Variants in SLC2A11 observed in about 807,000 individuals in gnomAD.
SLC2A11 encodes the protein solute carrier family 2, facilitated glucose transporter member 11.
A neutral mutation model predicts 52.1 loss-of-function variants in SLC2A11; 43 were observed. The ratio of observed to expected loss-of-function variants is 0.82; its 90% confidence interval spans 0.65 to 1.06. The LOEUF (loss-of-function observed/expected upper bound fraction) is 1.06, where lower values mean the gene tolerates loss of function less well. SLC2A11 is among the 50% of genes least tolerant of loss of function. SLC2A11 has a pLI of 0.00. For synonymous variants in SLC2A11, 261 were observed against 277.6 expected, an observed-to-expected ratio of 0.94 and a Z score of 0.59; for missense variants, 582 against 654.2, an observed-to-expected ratio of 0.89 and a Z score of 1.20.
At chr22:23,857,758 T>C (rs2031901224), upstream of SLC2A11, 1 of 1,369,234 alleles carries the variant, frequency 7.3e-7, no homozygotes, top group South Asian at 1.5e-5. Flanking sequence ...GGCCATCGTT[T>C]AGCGTTGCGC....
chr22:23,857,577 ACCC>A (rs750630400), upstream of SLC2A11: 2 of 1,170,970 alleles, frequency 1.7e-6, no homozygotes, highest in East Asian at 5.4e-5. Context: ...GTGACCCCAA[ACCC>A]CCCCCCCGCG....
At chr22:23,873,599 C>T (rs1402278834) in intron 3 of SLC2A11, among the ~76,000 whole-genome samples, 1 of 152,104 alleles carries the variant, frequency 6.6e-6, no homozygotes, top group Non-Finnish European at 1.5e-5. Context: ...TGAGCTGCTG[C>T]ACCCAGCTGC....
intron 6 of SLC2A11, among the ~76,000 whole-genome samples, chr22:23,879,227 G>A (rs1229572141): frequency 6.6e-6 from 1 of 152,028 alleles, no homozygotes; most frequent in Non-Finnish European, 1.5e-5. Flanking sequence ...CGCCATTGTT[G>A]ATCAGCACGG....
intron 3 of SLC2A11, among the ~76,000 whole-genome samples, chr22:23,874,127 A>C (rs1356347644): frequency 6.6e-6 from 1 of 152,206 alleles, no homozygotes; most frequent in Admixed American, 6.5e-5. Context: ...CAAGGCATTG[A>C]GATATACAGC....
intron 2 of SLC2A11, among the ~76,000 whole-genome samples, chr22:23,863,609 T>G (rs1043317169): frequency 1.6e-5 from 1 of 61,572 alleles, no homozygotes; most frequent in African/African-American, 6.3e-5. Flanking sequence ...CTCTCTCTGG[T>G]TTTTTTTTTT....
In SLC2A11 at chr22:23,884,536, G is replaced by A; in HGVS notation, c.1299+107G>A. Reference sequence around the variant, plus strand: ...CAGGGAGACTGAGACTGAAAGGGAGGGGTCTTAGGGGAGCAAAGAGGGGGG... The same window carrying A: ...CAGGGAGACTGAGACTGAAAGGGAGAGGTCTTAGGGGAGCAAAGAGGGGGG... On this transcript the variant is annotated intron_variant, in intron 11 of 11. Transcript: ENST00000316185. The surrounding 1 kb of genome is among the most constrained non-coding windows in gnomAD (Gnocchi z 4.3). 1 of 1,541,976 alleles carries A rather than the reference G, an allele frequency of 6.5e-7. No individual in the cohort carries two copies. Among genetic ancestry groups the A allele is most frequent in the South Asian group, 1.3e-5 (1 of 79,226 alleles).
chr22:23,883,928 C>T lies in SLC2A11; in HGVS notation c.1096-21C>T, dbSNP rs769890210. 8.7e-6 allele frequency: 14 copies of T among 1,611,790 alleles called. No homozygotes were observed. The South Asian group carries it at 8.8e-5, about 10-fold the overall frequency. On this transcript the variant is annotated intron_variant, in intron 9 of 11. Transcript: ENST00000316185. Reference sequence around the variant, plus strand: ...CCAGGCCGGGCTGACTTCCACCTCACCCCCGCCCCGTCCACGGCAGAGCTC... The same window carrying T: ...CCAGGCCGGGCTGACTTCCACCTCATCCCCGCCCCGTCCACGGCAGAGCTC...
At chr22:23,877,914 A>T (rs762512051) in intron 6 of SLC2A11, 45 bp downstream of exon 6, 1 of 1,574,740 alleles carries the variant, frequency 6.4e-7, no homozygotes, top group Admixed American at 1.9e-5. Flanking sequence ...TGACCAAGGG[A>T]TGCATCTCCC....
upstream of SLC2A11, chr22:23,857,604 C>T (rs2031891135): frequency 3.9e-6 from 5 of 1,281,138 alleles, no homozygotes; most frequent in South Asian, 1.2e-5. Context: ...GCGACTCCCC[C>T]CCAACACGCT....
At chr22:23,875,067 C>T (rs561860246) in intron 3 of SLC2A11, 50 bp from the exon 4 acceptor site, 62 of 1,485,474 alleles carry the variant, frequency 4.2e-5, no homozygotes, top group African/African-American at 8.5e-5. Flanking sequence ...GGGATGGTCC[C>T]GCTGGACTGA....
upstream of SLC2A11, chr22:23,857,623 C>G (rs1483762686): frequency 6.9e-6 from 7 of 1,020,382 alleles, no homozygotes; most frequent in African/African-American, 5.1e-5. Context: ...CTGGGGCGAA[C>G]TCCCCAGCAC....
chr22:23,884,829 A>G lies in SLC2A11; in HGVS notation c.1480A>G (p.Ile494Val), dbSNP rs376296700. The G allele has an allele frequency of 6.2e-7, 1 of 1,614,014 alleles. No individual in the cohort carries two copies. Among genetic ancestry groups the G allele is most frequent in the African/African-American group, 1.3e-5 (1 of 74,924 alleles). The change falls in exon 12 of 12, where the codon ATC becomes GTC. Residue 494 changes from isoleucine (I) to valine (V), a missense_variant. Ile to Val is a conservative substitution (Grantham distance 29). Transcript: ENST00000316185. The surrounding 1 kb of genome is among the most constrained non-coding windows in gnomAD (Gnocchi z 4.3). ...QGPTWRSLEV[I>V]QSTEL ...CCCCACGTGGAGGAGCCTGGAGGTT[A>G]TCCAGTCAACAGAACTCTAGTCCCA...
At chr22:23,857,624 T>A, upstream of SLC2A11, 1 of 850,744 alleles carries the variant, frequency 1.2e-6, no homozygotes, top group Non-Finnish European at 1.7e-6. Flanking sequence ...TGGGGCGAAC[T>A]CCCCAGCACC....
chr22:23,866,379 C>T (rs2032266269), intron 2 of SLC2A11: 1 of 166,136 alleles, frequency 6.0e-6, no homozygotes, highest in Admixed American at 6.6e-5. Flanking sequence ...AGAGCTGGCC[C>T]AGCACCTGAA....
chr22:23,857,772 C>A, upstream of SLC2A11: 2 of 1,412,998 alleles, frequency 1.4e-6, no homozygotes, highest in Non-Finnish European at 1.9e-6. Flanking sequence ...GTTGCGCGAA[C>A]CCTCAGCTGG....
chr22:23,884,971 T>C lies in SLC2A11; in HGVS notation c.*122T>C, dbSNP rs889546073. 2.7e-6 allele frequency: 2 copies of C among 751,032 alleles called. No individual in the cohort carries two copies. The highest frequency in any genetic ancestry group is 2.2e-6 in the Non-Finnish European group (1 of 464,156). The allele number at this position is 751,032 out of a possible 1,614,324, so 46.5% of individuals were successfully genotyped here. A position where few individuals can be genotyped will look rare whatever the true frequency, so the allele number is the denominator to read the frequency against. On this transcript the variant is annotated 3_prime_UTR_variant, in exon 12 of 12. Coordinates refer to ENST00000316185, the MANE Select transcript of SLC2A11 (RefSeq NM_001024939.4). The surrounding 1 kb of genome is among the most constrained non-coding windows in gnomAD (Gnocchi z 4.3). ...AGGAGTGTTTATTGAGCACCCTTTGTGTGCAGACATGGCTCCAGGTGCTTA... is the reference window on the plus strand; with the variant it reads ...AGGAGTGTTTATTGAGCACCCTTTGCGTGCAGACATGGCTCCAGGTGCTTA...
At position 23,867,795 on chromosome 22, in the gene SLC2A11, G is replaced by A. The variant is rs137864174; in HGVS notation, c.130-686G>A. ...GTGCTGGGAAGGTGGTGCTCCTGGA[G>A]GGGACATGGAAGCCTCTAGCAACCT... On this transcript the variant is annotated intron_variant, in intron 2 of 11. Coordinates refer to ENST00000316185, the MANE Select transcript of SLC2A11 (RefSeq NM_001024939.4). The A allele has an allele frequency of 2.3e-4, 108 of 469,712 alleles. No individual in the cohort carries two copies. In the East Asian group the frequency reaches 7.2e-3, roughly 31 times the overall value. The allele number at this position is 469,712 out of a possible 1,614,324, so 29.1% of individuals were successfully genotyped here.
At chr22:23,876,114 A>G in intron 4 of SLC2A11, among the ~76,000 whole-genome samples, 1 of 151,754 alleles carries the variant, frequency 6.6e-6, no homozygotes, top group African/African-American at 2.4e-5. Flanking sequence ...GGGGAGGGAG[A>G]GAGAGGGAGA....
upstream of SLC2A11, chr22:23,857,852 G>T: frequency 2.0e-6 from 3 of 1,515,252 alleles, no homozygotes; most frequent in South Asian, 3.8e-5. Flanking sequence ...CCTCTCAAAC[G>T]CTCACTGCGC....
Sources: gnomAD v4.1 joint callset for allele counts (sites outside exome capture counted in the v4.1 genomes callset) on GRCh38, gnomAD v4.1.1 for gene constraint, Gnocchi (gnomAD v3.1) non-coding constraint, MANE v1.5 for transcripts, NCBI Gene and HGNC (gene_info 2026-07-23, HGNC 2026-07-21) for gene names.